ZNF727: variants seen among roughly 807,000 people sequenced by gnomAD.
ZNF727 encodes zinc finger protein 727, also known as putative zinc finger protein 727.
A neutral mutation model predicts 11.5 loss-of-function variants in ZNF727; 11 were observed. That is an observed-to-expected ratio of 0.95 (90% CI 0.60 to 1.58). The LOEUF is 1.58. Among genes scored for constraint, ZNF727 ranks in the 40% most tolerant of loss-of-function variants. ZNF727 has a pLI of 0.00. For synonymous variants in ZNF727, 171 were observed against 196.1 expected (o/e 0.87, Z 1.07); for missense variants, 533 against 581.7 (o/e 0.92, Z 0.86).
chr7:64,057,375 C>T lies in ZNF727; in HGVS notation c.4-11516C>T, dbSNP rs534416327. 9.3e-4 allele frequency among the ~76,000 whole-genome samples: 141 copies of T among 152,160 alleles called. 1 individual carries two copies. The highest frequency in any genetic ancestry group is 3.1e-3 in the African/African-American group (128 of 41,462). ...TATGTACCATGGAATACCATGCAGC[C>T]GTAAGAAGGAAAAGGATCATGTTCT... On this transcript the variant is annotated intron_variant, in intron 1 of 3. Coordinates refer to ENST00000456806, the MANE Select transcript of ZNF727 (RefSeq NM_001159522.3).
intron 3 of ZNF727, among the ~76,000 whole-genome samples, chr7:64,072,299 C>A (rs1304606131): frequency 2.6e-5 from 4 of 151,950 alleles, no homozygotes; most frequent in African/African-American, 7.3e-5. Context: ...TGGAGTTTGC[C>A]TTTAGTGAGT....
At chr7:64,063,724 C>T (rs1426734558) in intron 1 of ZNF727, among the ~76,000 whole-genome samples, 2 of 152,022 alleles carry the variant, frequency 1.3e-5, no homozygotes, top group Non-Finnish European at 2.9e-5. Context: ...GAGCTCTTAC[C>T]CACCCTGGGC....
intron 1 of ZNF727, among the ~76,000 whole-genome samples, chr7:64,067,973 G>A (rs905755948): frequency 6.6e-6 from 1 of 152,114 alleles, no homozygotes; most frequent in African/African-American, 2.4e-5. Flanking sequence ...GAACATGAGA[G>A]ATATTTGTAG....
chr7:64,048,805 C>T (rs1036611), intron 1 of ZNF727, among the ~76,000 whole-genome samples: 96,828 of 152,014 alleles, frequency 0.64, 31,601 homozygotes, highest in Non-Finnish European at 0.71. Context: ...CTCACCAAGG[C>T]AAAAGCATTT....
chr7:64,060,648 A>G (rs1789755659), intron 1 of ZNF727, among the ~76,000 whole-genome samples: 1 of 152,244 alleles, frequency 6.6e-6, no homozygotes, highest in Non-Finnish European at 1.5e-5. Context: ...TATCTTTTCA[A>G]AAAACTAACT....
intron 1 of ZNF727, among the ~76,000 whole-genome samples, chr7:64,062,043 A>C (rs112493184): frequency 3.3e-4 from 7 of 21,372 alleles, no homozygotes; most frequent in Admixed American, 2.0e-3. Context: ...GTTTCTATTT[A>C]TATCTTATTA....
At chr7:64,061,036 C>A (rs1584146261) in intron 1 of ZNF727, among the ~76,000 whole-genome samples, 1 of 152,018 alleles carries the variant, frequency 6.6e-6, no homozygotes, top group South Asian at 2.1e-4. Context: ...GAGAAAATAC[C>A]TGATATAATT....
chr7:64,054,841 A>T (rs939771581), intron 1 of ZNF727, among the ~76,000 whole-genome samples: 1 of 152,086 alleles, frequency 6.6e-6, no homozygotes, highest in Non-Finnish European at 1.5e-5. Context: ...CTTTTTGTCT[A>T]TTGTGTTAAA....
chr7:64,063,916 G>A (rs573076007), intron 1 of ZNF727, among the ~76,000 whole-genome samples: 1 of 152,166 alleles, frequency 6.6e-6, no homozygotes, highest in East Asian at 1.9e-4. Flanking sequence ...ACCACCCAGA[G>A]CCCACAGTAA....
chr7:64,068,626 G>A (rs1382397319), intron 1 of ZNF727, among the ~76,000 whole-genome samples: 1 of 152,152 alleles, frequency 6.6e-6, no homozygotes, highest in Non-Finnish European at 1.5e-5. Context: ...ATAGCATTAA[G>A]TAATGTTCAT....
intron 3 of ZNF727, among the ~76,000 whole-genome samples, chr7:64,072,235 T>C (rs1789972602): frequency 6.6e-6 from 1 of 152,096 alleles, no homozygotes; most frequent in African/African-American, 2.4e-5. Context: ...TCTTTTTGGG[T>C]ATGCAGTGGA....
intron 3 of ZNF727, among the ~76,000 whole-genome samples, chr7:64,071,022 C>T (rs558799062): frequency 6.6e-6 from 1 of 151,670 alleles, no homozygotes; most frequent in South Asian, 2.1e-4. Context: ...CAGTCAGTTT[C>T]CACAAACACT....
intron 1 of ZNF727, among the ~76,000 whole-genome samples, chr7:64,054,353 G>T (rs1382211063): frequency 6.6e-6 from 1 of 152,100 alleles, no homozygotes; most frequent in East Asian, 1.9e-4. Flanking sequence ...TGCTATAATC[G>T]CATCCTCACA....
At chr7:64,059,987 A>T (rs1463518030) in intron 1 of ZNF727, among the ~76,000 whole-genome samples, 2 of 152,124 alleles carry the variant, frequency 1.3e-5, no homozygotes, top group African/African-American at 4.8e-5. Flanking sequence ...TTTCTGTTGG[A>T]CAGTAGGTAA....
rs1789486035 is a variant in ZNF727, at chr7:64,045,484, T to C, written c.-138T>C. 1 of 1,206,708 alleles carries C rather than the reference T, an allele frequency of 8.3e-7. No individual in the cohort carries two copies. The highest frequency in any genetic ancestry group is 1.5e-5 in the African/African-American group (1 of 66,182). 74.8% of individuals were successfully genotyped at this position (1,206,708 alleles called of 1,614,324 possible). A position where few individuals can be genotyped will look rare whatever the true frequency, so the allele number is the denominator to read the frequency against. Reference sequence around the variant, plus strand: ...CGTCTCCTAGCTTCTAGGCTCTGAGTCCAGTACCCGTCTGTACTATTCCAT... The same window carrying C: ...CGTCTCCTAGCTTCTAGGCTCTGAGCCCAGTACCCGTCTGTACTATTCCAT... On this transcript the variant is annotated 5_prime_UTR_variant, in exon 1 of 4. Transcript: ENST00000456806.
At chr7:64,045,850 A>G (rs1196613469) in intron 1 of ZNF727, among the ~76,000 whole-genome samples, 1 of 152,134 alleles carries the variant, frequency 6.6e-6, no homozygotes, top group Non-Finnish European at 1.5e-5. Flanking sequence ...TTTCCAGCCC[A>G]GAGACTTTTT....
intron 1 of ZNF727, among the ~76,000 whole-genome samples, chr7:64,065,912 T>A (rs374766905): frequency 6.6e-6 from 1 of 152,210 alleles, no homozygotes; most frequent in East Asian, 1.9e-4. Context: ...TTTGTGGCTG[T>A]TGAACATGGA....
At chr7:64,074,589 A>G (rs750100253) in intron 3 of ZNF727, among the ~76,000 whole-genome samples, 1 of 152,206 alleles carries the variant, frequency 6.6e-6, no homozygotes, top group Non-Finnish European at 1.5e-5. Context: ...GACAGATGTC[A>G]TATGTTTTCT....
intron 1 of ZNF727, among the ~76,000 whole-genome samples, chr7:64,047,925 G>T (rs939578263): frequency 2.0e-5 from 3 of 152,212 alleles, no homozygotes; most frequent in Non-Finnish European, 2.9e-5. Flanking sequence ...GTGAGGGCGT[G>T]TATAAATTTG....
Sources: gnomAD v4.1 joint callset for allele counts (sites outside exome capture counted in the v4.1 genomes callset) on GRCh38, gnomAD v4.1.1 for gene constraint, MANE v1.5 for transcripts, NCBI Gene and HGNC (gene_info 2026-07-23, HGNC 2026-07-21) for gene names.